MMP16: variants seen among roughly 807,000 people sequenced by gnomAD.
MMP16 encodes matrix metallopeptidase 16, also known as matrix metalloproteinase-16.
In MMP16, 12 loss-of-function variants were observed where a neutral mutation model predicts 67.8. That is an observed-to-expected ratio of 0.18 (90% CI 0.11 to 0.29). The LOEUF (loss-of-function observed/expected upper bound fraction) is 0.29, where lower values mean the gene tolerates loss of function less well. MMP16 is among the 10% of genes least tolerant of loss of function. The pLI, the probability that MMP16 is intolerant of heterozygous loss-of-function variation, is 1.00. For missense variants in MMP16, 475 were observed against 765.7 expected, an observed-to-expected ratio of 0.62 and a Z score of 4.48; for synonymous variants, 249 against 255.9, an observed-to-expected ratio of 0.97 and a Z score of 0.26.
At chr8:88,177,354 A>G (rs2129728468) in intron 3 of MMP16, among the ~76,000 whole-genome samples, 1 of 152,312 alleles carries the variant, frequency 6.6e-6, no homozygotes, top group South Asian at 2.1e-4. Flanking sequence ...CATTCCATCA[A>G]AAAAGTAAGG....
chr8:88,235,895 C>T (rs1206028818), intron 1 of MMP16, among the ~76,000 whole-genome samples: 1 of 151,484 alleles, frequency 6.6e-6, no homozygotes, highest in African/African-American at 2.4e-5. Flanking sequence ...ATATTTTCGT[C>T]TCTTTTCCTA....
chr8:88,282,076 CTTT>C (rs67009911), intron 1 of MMP16, among the ~76,000 whole-genome samples: 1 of 35,124 alleles, frequency 2.8e-5, no homozygotes, highest in Non-Finnish European at 5.4e-5. Context: ...ATTTTTTTTT[CTTT>C]TTTGGGGGGG....
At chr8:88,302,611 T>C (rs1448725038) in intron 1 of MMP16, among the ~76,000 whole-genome samples, 1 of 151,272 alleles carries the variant, frequency 6.6e-6, no homozygotes, top group Admixed American at 6.6e-5. Context: ...TGAAAAAAAG[T>C]AGGAAAATAG....
intron 1 of MMP16, among the ~76,000 whole-genome samples, chr8:88,308,235 A>G (rs540858845): frequency 6.6e-6 from 1 of 152,250 alleles, no homozygotes; most frequent in South Asian, 2.1e-4. Context: ...CCTTGACTTT[A>G]GACCTTGCCA....
At chr8:88,303,150 G>A (rs1811130882) in intron 1 of MMP16, among the ~76,000 whole-genome samples, 1 of 152,200 alleles carries the variant, frequency 6.6e-6, no homozygotes, top group Non-Finnish European at 1.5e-5. Flanking sequence ...TGGGATTCCT[G>A]GCAAGGAGGG....
At chr8:88,069,115 G>T (rs184108016) in intron 7 of MMP16, 6 of 191,978 alleles carry the variant, frequency 3.1e-5, no homozygotes, top group African/African-American at 9.6e-5. Flanking sequence ...CAAGTATTTC[G>T]ATCGGGATTG....
At chr8:88,221,942 T>G (rs1433746439) in intron 1 of MMP16, among the ~76,000 whole-genome samples, 1 of 151,792 alleles carries the variant, frequency 6.6e-6, no homozygotes, top group Non-Finnish European at 1.5e-5. Flanking sequence ...CTGTGGGAGG[T>G]TTTTGGCATG....
At chr8:88,068,713 T>A (rs1027018092) in intron 7 of MMP16, among the ~76,000 whole-genome samples, 25 of 152,174 alleles carry the variant, frequency 1.6e-4, no homozygotes, top group Admixed American at 7.2e-4. Flanking sequence ...TCTTTCTTTG[T>A]TTTTTTGAGA....
At chr8:88,068,962 A>G (rs1197831455) in intron 7 of MMP16, among the ~76,000 whole-genome samples, 1 of 152,106 alleles carries the variant, frequency 6.6e-6, no homozygotes, top group Admixed American at 6.6e-5. Flanking sequence ...TCCCCCTCCC[A>G]AAGTACTGGG....
At chr8:88,325,880 A>C (rs1040473218) in intron 1 of MMP16, among the ~76,000 whole-genome samples, 5 of 152,220 alleles carry the variant, frequency 3.3e-5, no homozygotes, top group African/African-American at 1.2e-4. Context: ...TTCTATAAAC[A>C]CAGTTATATT....
chr8:88,263,983 AGAGAGT>A (rs1392615009), intron 1 of MMP16, among the ~76,000 whole-genome samples: 5 of 101,124 alleles, frequency 4.9e-5, no homozygotes, highest in East Asian at 4.1e-4. Context: ...AAAGAGAGAG[AGAGAGT>A]GTGTGTGTGT....
chr8:88,050,233 G>A (rs1237079807), intron 8 of MMP16, among the ~76,000 whole-genome samples: 4 of 152,164 alleles, frequency 2.6e-5, no homozygotes, highest in Non-Finnish European at 5.9e-5. Flanking sequence ...TGAGGCAGGA[G>A]AATCGCTTGA....
chr8:88,234,602 T>C (rs1444907589), intron 1 of MMP16, among the ~76,000 whole-genome samples: 1 of 152,216 alleles, frequency 6.6e-6, no homozygotes, highest in South Asian at 2.1e-4. Context: ...GCAGATCTTT[T>C]GTTTCTTTCA....
At chr8:88,100,497 A>T (rs575889274) in intron 6 of MMP16, among the ~76,000 whole-genome samples, 2 of 152,046 alleles carry the variant, frequency 1.3e-5, no homozygotes, top group Non-Finnish European at 2.9e-5. Flanking sequence ...GAGAGGATAT[A>T]GAGAAATAGA....
chr8:88,327,452 G>C lies in MMP16; in HGVS notation c.-246C>G, dbSNP rs1482979178. ...TCCTCCGGGGTCAGTCACCGGGAAC[G>C]TGGCGCCTAAGTTCACCGGCGGTTC... is the stretch of plus-strand genomic sequence containing the variant. On this transcript the variant is annotated 5_prime_UTR_variant, in exon 1 of 10. Transcript: ENST00000286614. 1 of 480,412 alleles carries C rather than the reference G, an allele frequency of 2.1e-6. No individual in the cohort carries two copies. The highest frequency in any genetic ancestry group is 3.8e-6 in the Non-Finnish European group (1 of 261,610). 29.8% of individuals were successfully genotyped at this position (480,412 alleles called of 1,614,324 possible). A position where few individuals can be genotyped will look rare whatever the true frequency, so the allele number is the denominator to read the frequency against.
chr8:88,298,756 G>A (rs186974090), intron 1 of MMP16, among the ~76,000 whole-genome samples: 106 of 152,132 alleles, frequency 7.0e-4, no homozygotes, highest in Admixed American at 3.9e-3. Flanking sequence ...TCAATTTGGC[G>A]CTATTCTGTG....
chr8:88,160,205 A>T (rs1808592528), intron 4 of MMP16, among the ~76,000 whole-genome samples: 1 of 151,822 alleles, frequency 6.6e-6, no homozygotes, highest in African/African-American at 2.4e-5. Context: ...CCCACCTGTG[A>T]GTGAGAACAT....
intron 1 of MMP16, among the ~76,000 whole-genome samples, chr8:88,216,267 A>C (rs1443428063): frequency 1.3e-5 from 2 of 152,204 alleles, no homozygotes; most frequent in African/African-American, 4.8e-5. Context: ...TTTTTTAAAA[A>C]AATTAAAATA....
intron 6 of MMP16, among the ~76,000 whole-genome samples, chr8:88,092,226 G>T: frequency 6.7e-6 from 1 of 150,130 alleles, no homozygotes; most frequent in Non-Finnish European, 1.5e-5. Flanking sequence ...AGGCTCTATG[G>T]CTATAACTTC....
Sources: gnomAD v4.1 joint callset for allele counts (sites outside exome capture counted in the v4.1 genomes callset) on GRCh38, gnomAD v4.1.1 for gene constraint, MANE v1.5 for transcripts, NCBI Gene and HGNC (gene_info 2026-07-23, HGNC 2026-07-21) for gene names.